The following LYRM4 variants were observed in gnomAD, a reference collection of about 807,000 sequenced individuals.
LYRM4 encodes LYR motif-containing protein 4.
Under a neutral mutation model 11.7 loss-of-function variants are expected in LYRM4, and 9 were observed. The observed-to-expected ratio is 0.77, with a 90% confidence interval of 0.46 to 1.34. The LOEUF is 1.34. Ranked by LOEUF, LYRM4 falls within the 40% of genes most tolerant of loss-of-function variation. The probability of loss-of-function intolerance (pLI) is 0.00; values close to 1 mark genes in which losing one functional copy is unlikely to be tolerated. For missense variants in LYRM4, 133 were observed against 112.5 expected, an observed-to-expected ratio of 1.18 and a Z score of -0.82; for synonymous variants, 42 against 40.4, an observed-to-expected ratio of 1.04 and a Z score of -0.15.
intron 2 of LYRM4, among the ~76,000 whole-genome samples, chr6:5,213,584 G>A (rs1209679897): frequency 6.6e-6 from 1 of 152,170 alleles, no homozygotes; most frequent in Non-Finnish European, 1.5e-5. Flanking sequence ...GGAGAGAGAC[G>A]TGATATGAAG....
intron 1 of LYRM4, among the ~76,000 whole-genome samples, chr6:5,219,423 G>A (rs1377648664): frequency 6.6e-6 from 1 of 152,174 alleles, no homozygotes; most frequent in Non-Finnish European, 1.5e-5. Flanking sequence ...ATGCACTTTC[G>A]AGATGAATGC....
the LYRM4 span, among the ~76,000 whole-genome samples, chr6:5,079,507 G>T: frequency 6.6e-6 from 1 of 152,190 alleles, no homozygotes; most frequent in African/African-American, 2.4e-5. Context: ...GGCATATTTT[G>T]GGGTCACGTG....
rs1476994259 is a variant in LYRM4 at position 5,148,857 on chromosome 6, G to A, written c.208-39366C>T. On this transcript the variant is annotated intron_variant, in intron 2 of 2. Transcript: ENST00000330636. ...TATAAAAATTACCTTGTCATTTGTAGCGCGCTTCCAAGTATAAAATTAAAC... is the reference window on the plus strand; with the variant it reads ...TATAAAAATTACCTTGTCATTTGTAACGCGCTTCCAAGTATAAAATTAAAC... Among the ~76,000 whole-genome samples the A allele has an allele frequency of 4.6e-5, 7 of 152,272 alleles. No individual in the cohort carries two copies. In the East Asian group the frequency reaches 1.3e-3, roughly 29 times the overall value.
At chr6:5,122,700 G>A (rs1763513226) in intron 2 of LYRM4, among the ~76,000 whole-genome samples, 1 of 152,212 alleles carries the variant, frequency 6.6e-6, no homozygotes, top group South Asian at 2.1e-4. Context: ...TGCCATGGCT[G>A]GTGGCAGCTG....
At chr6:5,225,275 A>T (rs34421021) in intron 1 of LYRM4, among the ~76,000 whole-genome samples, 6,994 of 149,978 alleles carry the variant, frequency 0.047, 548 homozygotes, top group African/African-American at 0.15. Flanking sequence ...AAAGATGTTT[A>T]AAAAAAACTT....
rs1010645974 is a variant in LYRM4, at chr6:5,234,456, T to C, written c.87-17718A>G. Among the ~76,000 whole-genome samples the C allele has an allele frequency of 1.1e-4, 17 of 152,318 alleles. No individual in the cohort carries two copies. In the East Asian group the frequency reaches 1.9e-3, roughly 17 times the overall value. ...AAAGCTCCTGGTATTGGGCACATAT[T>C]ACAAATTACTCTATTTTATAACAGG... On this transcript the variant is annotated intron_variant, in intron 1 of 2. Coordinates refer to ENST00000330636, the MANE Select transcript of LYRM4 (RefSeq NM_020408.6).
At chr6:5,106,537 CTTAG>C (rs1181606952), downstream of LYRM4, 3 of 152,254 alleles carry the variant, frequency 2.0e-5, no homozygotes, top group African/African-American at 4.8e-5. Context: ...GTCACTGCTA[CTTAG>C]TTAGCAGCAG....
chr6:5,071,939 C>T, the LYRM4 span, among the ~76,000 whole-genome samples: 1 of 152,200 alleles, frequency 6.6e-6, no homozygotes, highest in African/African-American at 2.4e-5. Flanking sequence ...GGCACCACAC[C>T]TGGCTCATTA....
chr6:5,198,942 T>A (rs376405050), intron 2 of LYRM4, among the ~76,000 whole-genome samples: 2 of 152,340 alleles, frequency 1.3e-5, no homozygotes, highest in East Asian at 3.9e-4. Flanking sequence ...AGAACCCTTA[T>A]ACCTTGCTGG....
At chr6:5,136,649 G>A (rs1286073940) in intron 2 of LYRM4, 2 of 985,332 alleles carry the variant, frequency 2.0e-6, no homozygotes, top group Non-Finnish European at 1.2e-6. Context: ...AATCCCAGGT[G>A]TTGTCAAAGA....
the LYRM4 span, among the ~76,000 whole-genome samples, chr6:5,044,116 G>GGT: frequency 6.6e-6 from 1 of 151,270 alleles, no homozygotes; most frequent in East Asian, 2.0e-4. Context: ...TTTTTGTGGG[G>GGT]TTTTTTTTGT....
At chr6:5,233,243 T>A (rs1437054789) in intron 1 of LYRM4, among the ~76,000 whole-genome samples, 1 of 152,248 alleles carries the variant, frequency 6.6e-6, no homozygotes, top group Non-Finnish European at 1.5e-5. Flanking sequence ...TCTGATTGCC[T>A]ACTTGCGCTT....
At chr6:5,118,810 G>A (rs763833351) in intron 2 of LYRM4, among the ~76,000 whole-genome samples, 2 of 152,148 alleles carry the variant, frequency 1.3e-5, no homozygotes, top group African/African-American at 4.8e-5. Flanking sequence ...CCAAACTTAC[G>A]AATATCGACC....
At chr6:5,118,091 T>TAC (rs1763209976) in intron 2 of LYRM4, among the ~76,000 whole-genome samples, 1 of 41,520 alleles carries the variant, frequency 2.4e-5, no homozygotes, top group African/African-American at 8.9e-5. Flanking sequence ...TATATATATA[T>TAC]ATATTTTTGT....
intron 2 of LYRM4, among the ~76,000 whole-genome samples, chr6:5,121,601 G>A (rs533503294): frequency 3.3e-5 from 5 of 152,158 alleles, no homozygotes; most frequent in Non-Finnish European, 7.4e-5. Context: ...CAGCACTGCC[G>A]CAACTGTCAC....
chr6:5,236,227 G>C (rs1428594052), intron 1 of LYRM4: 1 of 152,210 alleles, frequency 6.6e-6, no homozygotes, highest in Non-Finnish European at 1.5e-5. Flanking sequence ...CACCTTGGGA[G>C]GCCGAGGCGG....
chr6:5,125,696 C>T (rs1242851884), intron 2 of LYRM4, among the ~76,000 whole-genome samples: 1 of 152,214 alleles, frequency 6.6e-6, no homozygotes, highest in Non-Finnish European at 1.5e-5. Flanking sequence ...TTCTAATGTA[C>T]TCATATGAAC....
At chr6:5,052,042 C>G in the LYRM4 span, among the ~76,000 whole-genome samples, 1 of 152,162 alleles carries the variant, frequency 6.6e-6, no homozygotes, top group African/African-American at 2.4e-5. Flanking sequence ...CACTTCCCAG[C>G]ACCACCACAC....
chr6:5,141,123 G>A (rs1207427397), intron 2 of LYRM4, among the ~76,000 whole-genome samples: 3 of 152,148 alleles, frequency 2.0e-5, no homozygotes, highest in African/African-American at 7.2e-5. Context: ...TCACATTTGT[G>A]GAAATAAAAA....
Sources: allele counts gnomAD v4.1 joint callset (sites outside exome capture counted in the v4.1 genomes callset), GRCh38; gene constraint gnomAD v4.1.1; transcripts MANE v1.5; gene names NCBI Gene and HGNC (gene_info 2026-07-23, HGNC 2026-07-21).